Variants in LRP2 observed in about 807,000 individuals in gnomAD.
LRP2 encodes the protein low-density lipoprotein receptor-related protein 2.
Under a neutral mutation model 531.0 loss-of-function variants are expected in LRP2, and 172 were observed. That is an observed-to-expected ratio of 0.32 (90% confidence interval 0.29 to 0.37). LRP2 has a LOEUF of 0.37. LRP2 is among the 10% of genes least tolerant of loss of function. The pLI is 1.00. For synonymous variants in LRP2, 1,992 were observed against 2,027.6 expected (o/e 0.98, Z 0.47); for missense variants, 5,167 against 5,868.3 (o/e 0.88, Z 3.90).
In LRP2 at chr2:169,362,439, A is replaced by G. The variant is rs1198182169; in HGVS notation, c.-40T>C. ...CCGGCCTCGCCGTTCCTTCCCCGGG[A>G]GGTGGGCGCGCGTAGCACACCGCAC... On this transcript the variant is annotated 5_prime_UTR_variant, in exon 1 of 79. Transcript: ENST00000649046. 6.6e-7 allele frequency: 1 copy of G among 1,522,076 alleles called. No homozygotes were observed. Among genetic ancestry groups the G allele is most frequent in the Admixed American group, 2.0e-5 (1 of 51,104 alleles). 94.3% of individuals were successfully genotyped at this position (1,522,076 alleles called of 1,614,324 possible).
chr2:169,274,032 T>G (rs830996), intron 14 of LRP2, among the ~76,000 whole-genome samples: 146,818 of 152,258 alleles, frequency 0.96, 71,009 homozygotes, highest in Middle Eastern at 1. Flanking sequence ...GAATGTGTCA[T>G]TTCTAGTGGT....
chr2:169,164,972 G>T (rs189731566), intron 62 of LRP2, among the ~76,000 whole-genome samples: 4 of 152,100 alleles, frequency 2.6e-5, no homozygotes, highest in Admixed American at 2.0e-4. Context: ...ATGCTTTTGC[G>T]CTATGCCTCA....
intron 63 of LRP2, among the ~76,000 whole-genome samples, chr2:169,161,118 T>C (rs890949861): frequency 6.6e-6 from 1 of 152,208 alleles, no homozygotes; most frequent in Non-Finnish European, 1.5e-5. Context: ...GGTCAGTATG[T>C]GCCCAAAGTG....
At chr2:169,273,161 AAATAGAGT>A (rs1574208320) in intron 14 of LRP2, 94 bp from the exon 15 acceptor site, 1 of 1,398,406 alleles carries the variant, frequency 7.2e-7, no homozygotes, top group East Asian at 2.3e-5. Flanking sequence ...CCTATAGGTG[AAATAGAGT>A]AATGGATTAG....
At chr2:169,132,825 C>T (rs191589008) in intron 76 of LRP2, 144 bp from the exon 77 acceptor site, 20 of 675,964 alleles carry the variant, frequency 3.0e-5, no homozygotes, top group Non-Finnish European at 4.9e-5. Context: ...ATTGCATGAC[C>T]CAGTAGGCCA....
chr2:169,341,482 TA>T (rs150025166), intron 1 of LRP2, among the ~76,000 whole-genome samples: 1 of 152,112 alleles, frequency 6.6e-6, no homozygotes, highest in African/African-American at 2.4e-5. Flanking sequence ...ATCCTAATTT[TA>T]AAAAAATTTC....
chr2:169,361,204 C>G (rs1169623084), intron 1 of LRP2, among the ~76,000 whole-genome samples: 1 of 152,114 alleles, frequency 6.6e-6, no homozygotes, highest in Non-Finnish European at 1.5e-5. Context: ...GTCTGGTGGT[C>G]GGTCACACGC....
At chr2:169,323,186 C>T (rs1684949710) in intron 1 of LRP2, among the ~76,000 whole-genome samples, 1 of 152,132 alleles carries the variant, frequency 6.6e-6, no homozygotes, top group African/African-American at 2.4e-5. Flanking sequence ...CTCCTCACTC[C>T]ATTATCTAAT....
chr2:169,165,060 T>C (rs1298058399), intron 62 of LRP2, among the ~76,000 whole-genome samples: 1 of 152,148 alleles, frequency 6.6e-6, no homozygotes, highest in African/African-American at 2.4e-5. Context: ...AACTTGAAGG[T>C]TGTGGTAGTG....
At chr2:169,361,689 C>A (rs1200431211) in intron 1 of LRP2, among the ~76,000 whole-genome samples, 1 of 152,154 alleles carries the variant, frequency 6.6e-6, no homozygotes, top group Non-Finnish European at 1.5e-5. Context: ...CAAAAGCCCC[C>A]AGCTCCCAGC....
rs768030619 is a variant in LRP2, at chr2:169,231,851, G to A, written c.5099-9C>T. 4 of 1,613,694 alleles carry A rather than the reference G, an allele frequency of 2.5e-6. No individual in the cohort carries two copies. In the South Asian group the frequency reaches 4.4e-5, roughly 18 times the overall value. The stretch of plus-strand genomic sequence containing the variant: ...GGCACATGGATTCACGGCTGCATGA[G>A]AAAGAGAAGAAAGCACCAGTAAGTG... On this transcript the variant is annotated splice_polypyrimidine_tract_variant and intron_variant, in intron 30 of 78. Transcript: ENST00000649046.
rs1381327370 is a variant in LRP2 at position 169,331,335 on chromosome 2, C to T, written c.80-10451G>A. Among the ~76,000 whole-genome samples, 3 of 152,184 alleles carry T rather than the reference C, an allele frequency of 2.0e-5. No individual in the cohort carries two copies. The East Asian group carries it at 5.8e-4, about 29-fold the overall frequency. On this transcript the variant is annotated intron_variant, in intron 1 of 78. Coordinates refer to ENST00000649046, the MANE Select transcript of LRP2 (RefSeq NM_004525.3). ...ATATAAATTGACAATCACTTAAGCG[C>T]TCAAACATTCAAAAGAATGTCCAAG...
intron 9 of LRP2, among the ~76,000 whole-genome samples, chr2:169,285,492 A>C (rs78253750): frequency 0.04 from 6,053 of 152,202 alleles, 382 homozygotes; most frequent in African/African-American, 0.14. Context: ...AAAACACTAA[A>C]ACACTACTTT....
chr2:169,178,140 A>C, intron 52 of LRP2, 114 bp from the exon 53 acceptor site: 1 of 796,722 alleles, frequency 1.3e-6, no homozygotes, highest in Non-Finnish European at 2.1e-6. Flanking sequence ...AGATAATATA[A>C]GTTCAGATCC....
rs2228169 is a variant in LRP2 at position 169,211,981 on chromosome 2, C to G, written c.6267G>C (p.Pro2089=). ...ELSDHSETMV[P]VAGQGRNALH... is the part of the protein sequence containing the mutation. ...GAGTTGGCATACCTTGGCCTGCCACCGGCACCATGGTTTCTGAATGATCTG... is the reference window on the plus strand; with the variant it reads ...GAGTTGGCATACCTTGGCCTGCCACGGGCACCATGGTTTCTGAATGATCTG... The change falls in exon 37 of 79, where the codon CCG becomes CCC. Residue 2089 remains proline (P), a synonymous_variant. Transcript: ENST00000649046. The G allele has an allele frequency of 6.2e-7, 1 of 1,613,886 alleles. No individual in the cohort carries two copies. Among genetic ancestry groups the G allele is most frequent in the East Asian group, 2.2e-5 (1 of 44,886 alleles).
chr2:169,213,322 C>T (rs1363007836), intron 36 of LRP2, among the ~76,000 whole-genome samples: 1 of 152,092 alleles, frequency 6.6e-6, no homozygotes, highest in African/African-American at 2.4e-5. Flanking sequence ...AGACAAAATG[C>T]CTGCCCGTAC....
chr2:169,206,874 G>A lies in LRP2; in HGVS notation c.6846C>T (p.Gly2282=). 3 of 1,614,182 alleles carry A rather than the reference G, an allele frequency of 1.9e-6. No individual in the cohort carries two copies. The highest frequency in any genetic ancestry group is 2.7e-5 in the African/African-American group (2 of 75,030). Residue 2282 remains glycine, a synonymous_variant, in exon 39 of 79, where the codon GGC becomes GGT. Transcript: ENST00000649046. ...TGATAGAATTTTCAAAAACAGTGAT[G>A]CCATAAGGAGTTGGGTAACGACTGC... ...RYGSRYPTPY[G]ITVFENSIIW...
intron 1 of LRP2, among the ~76,000 whole-genome samples, chr2:169,333,899 A>G (rs1213200918): frequency 6.6e-6 from 1 of 152,216 alleles, no homozygotes; most frequent in Non-Finnish European, 1.5e-5. Context: ...GGCTCTGTCA[A>G]TGTTATCACT....
chr2:169,361,262 C>A (rs949999324), intron 1 of LRP2, among the ~76,000 whole-genome samples: 1 of 151,446 alleles, frequency 6.6e-6, no homozygotes, highest in Non-Finnish European at 1.5e-5. Flanking sequence ...GAGAGCTCGC[C>A]GGTTCCAGCC....
Sources: gnomAD v4.1 joint callset for allele counts (sites outside exome capture counted in the v4.1 genomes callset) on GRCh38, gnomAD v4.1.1 for gene constraint, MANE v1.5 for transcripts, NCBI Gene and HGNC (gene_info 2026-07-23, HGNC 2026-07-21) for gene names.